SLIT1: variants seen among roughly 807,000 people sequenced by gnomAD.
SLIT1 encodes slit homolog 1 protein.
In SLIT1, 66 loss-of-function variants were observed where a neutral mutation model predicts 186.1. The observed-to-expected ratio is 0.35, with a 90% CI of 0.29 to 0.44. SLIT1 has a LOEUF of 0.44. SLIT1 is among the 20% of genes least tolerant of loss of function. The probability of loss-of-function intolerance (pLI) is 1.00; values close to 1 mark genes in which losing one functional copy is unlikely to be tolerated. For synonymous variants in SLIT1, 761 were observed against 833.8 expected (o/e 0.91, Z 1.50); for missense variants, 1,638 against 2,037.4 (o/e 0.80, Z 3.77).
At chr10:97,149,133 G>A (rs979723221) in intron 4 of SLIT1, among the ~76,000 whole-genome samples, 1 of 152,230 alleles carries the variant, frequency 6.6e-6, no homozygotes, top group Non-Finnish European at 1.5e-5. Context: ...CAGGGGCAGA[G>A]CTGGATTCAA....
chr10:97,039,387 C>T (rs1848669721), intron 21 of SLIT1, among the ~76,000 whole-genome samples: 1 of 152,200 alleles, frequency 6.6e-6, no homozygotes, highest in Non-Finnish European at 1.5e-5. Context: ...ATACTCAGTG[C>T]TGACCCAGGG....
intron 11 of SLIT1, chr10:97,057,876 GAAAACATCC>G: frequency 1.5e-6 from 1 of 664,156 alleles, no homozygotes; most frequent in Non-Finnish European, 2.8e-6. Flanking sequence ...GGAGGACAGT[GAAAACATCC>G]AGGAGGTTTG....
chr10:97,004,208 T>C lies in SLIT1; in HGVS notation c.3725A>G (p.Asn1242Ser), dbSNP rs200856906. 6.2e-7 allele frequency: 1 copy of C among 1,609,944 alleles called. No individual in the cohort carries two copies. Among genetic ancestry groups the C allele is most frequent in the Non-Finnish European group, 8.5e-7 (1 of 1,176,428 alleles). The change falls in exon 34 of 37, where the codon AAC becomes AGC. Residue 1242 changes from asparagine to serine, a missense_variant. Around this residue, in one of 3 missense-constraint regions of SLIT1, gnomAD observed 173 missense variants for 290.9 expected, o/e 0.59. Coordinates refer to ENST00000266058, the MANE Select transcript of SLIT1 (RefSeq NM_003061.3). The surrounding 1 kb of genome is among the most constrained non-coding windows in gnomAD (Gnocchi z 5.1). ...SSAIYSAETI[N>S]DGQFHTVELV... ...CTCAACGGTGTGGAATTGCCCATCG[T>C]TGATCGTCTCAGCACTGGAGGAAGA...
chr10:97,112,078 A>G (rs1447287376), intron 4 of SLIT1, among the ~76,000 whole-genome samples: 2 of 151,872 alleles, frequency 1.3e-5, no homozygotes, highest in Non-Finnish European at 2.9e-5. Flanking sequence ...CAAACTTATC[A>G]CGTTCCCTTC....
At chr10:97,061,579 T>A (rs1282533283) in intron 8 of SLIT1, among the ~76,000 whole-genome samples, 1 of 152,236 alleles carries the variant, frequency 6.6e-6, no homozygotes, top group Non-Finnish European at 1.5e-5. Context: ...CTTTTTTGCT[T>A]AATATACAAT....
intron 4 of SLIT1, among the ~76,000 whole-genome samples, chr10:97,134,885 C>A (rs1275629382): frequency 1.3e-5 from 2 of 152,184 alleles, no homozygotes; most frequent in Non-Finnish European, 2.9e-5. Context: ...CAGCTACTAA[C>A]CCACTCACTG....
chr10:97,163,069 A>C (rs1850051423), intron 3 of SLIT1, among the ~76,000 whole-genome samples: 1 of 152,214 alleles, frequency 6.6e-6, no homozygotes, highest in Non-Finnish European at 1.5e-5. Context: ...TCAGGATGAG[A>C]TGACAGGAAG....
chr10:97,152,026 T>C (rs1849885726), intron 4 of SLIT1, among the ~76,000 whole-genome samples: 1 of 152,110 alleles, frequency 6.6e-6, no homozygotes, highest in African/African-American at 2.4e-5. Flanking sequence ...ACAGAATACA[T>C]ATGTAATTTC....
intron 13 of SLIT1, among the ~76,000 whole-genome samples, chr10:97,051,815 A>AG (rs1392651788): frequency 6.6e-6 from 1 of 151,352 alleles, no homozygotes; most frequent in East Asian, 1.9e-4. Flanking sequence ...CCATCTCAAA[A>AG]AAAAAAAAAA....
intron 18 of SLIT1, 110 bp downstream of exon 18, chr10:97,046,544 C>T (rs1170579180): frequency 8.7e-7 from 1 of 1,151,228 alleles, no homozygotes; most frequent in African/African-American, 1.6e-5. Context: ...CCCCACCCTC[C>T]TGCAAGCTGG....
At chr10:97,103,529 C>T (rs1849381920) in intron 4 of SLIT1, 2 of 152,224 alleles carry the variant, frequency 1.3e-5, no homozygotes, top group Non-Finnish European at 2.9e-5. Flanking sequence ...TCTCCCCAAA[C>T]TGCCTAATTT....
Position 97,004,083 on chromosome 10 carries a change from GCGCCT to G in SLIT1, c.3845_3849del (p.Glu1282AlafsTer91). ...AGGTCCTCACCTCCCACATAGAGTG[GCGCCT>G]CGCTGTTGAGCGTGTAATGTTTGCC... is the stretch of plus-strand genomic sequence containing the variant. On this transcript the variant is annotated frameshift_variant, in exon 34 of 37. Transcript: ENST00000266058. LOFTEE classifies it high-confidence loss of function. This position sits in a 1 kb window ranked among gnomAD's most constrained non-coding sequence, Gnocchi z 5.1. 6.2e-7 allele frequency: 1 copy of G among 1,610,960 alleles called. No individual in the cohort carries two copies. Among genetic ancestry groups the G allele is most frequent in the East Asian group, 2.2e-5 (1 of 44,762 alleles).
chr10:97,148,978 C>T (rs145231861), intron 4 of SLIT1, among the ~76,000 whole-genome samples: 1 of 152,302 alleles, frequency 6.6e-6, no homozygotes, highest in African/African-American at 2.4e-5. Context: ...CCTTTGAGCC[C>T]CTGTAAGTGC....
chr10:97,019,802 C>T (rs996148231), intron 26 of SLIT1, among the ~76,000 whole-genome samples: 1 of 152,062 alleles, frequency 6.6e-6, no homozygotes, highest in African/African-American at 2.4e-5. Context: ...AATAGGAAGA[C>T]CAGTGAACTC....
At chr10:97,140,184 G>A (rs923294021) in intron 4 of SLIT1, among the ~76,000 whole-genome samples, 6 of 151,996 alleles carry the variant, frequency 3.9e-5, no homozygotes, top group African/African-American at 9.7e-5. Flanking sequence ...CGGGTGTCTC[G>A]CCACCAGAAT....
At chr10:97,164,285 G>A (rs1164642170) in intron 2 of SLIT1, among the ~76,000 whole-genome samples, 1 of 7,638 alleles carries the variant, frequency 1.3e-4, no homozygotes, top group Non-Finnish European at 4.7e-4. Flanking sequence ...GGCAGGGCAG[G>A]GGGGGGAACC....
intron 28 of SLIT1, among the ~76,000 whole-genome samples, chr10:97,015,328 G>A (rs1316257091): frequency 6.6e-6 from 1 of 152,178 alleles, no homozygotes; most frequent in Non-Finnish European, 1.5e-5. Context: ...AAGTCAAGAG[G>A]TTTCCAGTTC....
Position 97,060,735 on chromosome 10 carries a change from G to T in SLIT1, c.846C>A (p.Cys282Ter). ...VPTCTLSSGS[C>*]PAMCTCSNGI... ...CATTGCTGCAGGTGCACATGGCCGG[G>T]CAGGAGCCGGAGGACAGGGTGCAGG... The change falls in exon 9 of 37, where the codon TGC (cysteine) becomes TGA (stop). Residue 282 changes from cysteine to a stop codon, truncating the protein, a stop_gained. Transcript: ENST00000266058. LOFTEE classifies it high-confidence loss of function. 1 of 1,613,528 alleles carries T rather than the reference G, an allele frequency of 6.2e-7. No homozygotes were observed. Among genetic ancestry groups the T allele is most frequent in the Non-Finnish European group, 8.5e-7 (1 of 1,179,900 alleles).
rs763444549 is a variant in SLIT1 at position 97,021,276 on chromosome 10, G to A, written c.2720C>T (p.Thr907Met). The A allele has an allele frequency of 5.5e-5, 89 of 1,614,054 alleles. No homozygotes were observed. Among genetic ancestry groups the A allele is most frequent in the East Asian group, 6.7e-5 (3 of 44,906 alleles). The change falls in exon 26 of 37, where the codon ACG becomes ATG. Residue 907 changes from threonine to methionine, a missense_variant. Physicochemically the swap from Thr to Met is moderately conservative, Grantham distance 81. Around this residue, in one of 3 missense-constraint regions of SLIT1, gnomAD observed 1,245 missense variants for 1,535.3 expected, o/e 0.81. Transcript: ENST00000266058. This position sits in a 1 kb window ranked among gnomAD's most constrained non-coding sequence, Gnocchi z 4.5. ...TTGGCATTCAAACTTCTTGGCAGGC[G>A]TGGTGAGGAGCAGCTTGCCCTCCAT... ...QDMEGKLLLT[T>M]PAKKFECQGP...
Sources: allele counts gnomAD v4.1 joint callset (sites outside exome capture counted in the v4.1 genomes callset), GRCh38; gene constraint gnomAD v4.1.1; regional missense constraint gnomAD v4.1.1; non-coding constraint Gnocchi (gnomAD v3.1); transcripts MANE v1.5; gene names NCBI Gene and HGNC (gene_info 2026-07-23, HGNC 2026-07-21).